The following DLGAP1 variants were observed in gnomAD, a reference collection of about 807,000 sequenced individuals.
DLGAP1 encodes DLG associated protein 1, also known as disks large-associated protein 1.
DLGAP1 carries 11 observed loss-of-function variants against 90.8 expected under a neutral mutation model. The ratio of observed to expected loss-of-function variants is 0.12; its 90% CI spans 0.08 to 0.20. The LOEUF is 0.20. Ranked by LOEUF, DLGAP1 falls within the 10% of genes least tolerant of loss-of-function variation. The pLI, the probability that DLGAP1 is intolerant of heterozygous loss-of-function variation, is 1.00. For missense variants in DLGAP1, 1,050 were observed against 1,333.8 expected, an observed-to-expected ratio of 0.79 and a Z score of 3.31; for synonymous variants, 558 against 540.7, an observed-to-expected ratio of 1.03 and a Z score of -0.44.
intron 4 of DLGAP1, among the ~76,000 whole-genome samples, chr18:3,854,337 A>G (rs531188416): frequency 1.2e-4 from 19 of 152,156 alleles, no homozygotes; most frequent in African/African-American, 4.6e-4. Flanking sequence ...ATTGGATACA[A>G]TTATGAGTAT....
At chr18:4,211,762 T>C (rs375091436) in intron 1 of DLGAP1, among the ~76,000 whole-genome samples, 4 of 152,122 alleles carry the variant, frequency 2.6e-5, no homozygotes, top group African/African-American at 9.7e-5. Context: ...TACACCCCTA[T>C]GTAAAATGAA....
At chr18:4,284,465 T>C (rs1208191678) in intron 1 of DLGAP1, among the ~76,000 whole-genome samples, 1 of 152,084 alleles carries the variant, frequency 6.6e-6, no homozygotes, top group Admixed American at 6.6e-5. Context: ...AAGGCTAAAA[T>C]GGAGTGTCAA....
chr18:4,149,930 T>C (rs867876832), intron 2 of DLGAP1, among the ~76,000 whole-genome samples: 3 of 152,202 alleles, frequency 2.0e-5, no homozygotes, highest in Non-Finnish European at 4.4e-5. Flanking sequence ...CAGCCCAGCA[T>C]TGTGAGGGAA....
At chr18:3,811,371 T>C (rs1420460327) in intron 5 of DLGAP1, among the ~76,000 whole-genome samples, 2 of 152,240 alleles carry the variant, frequency 1.3e-5, no homozygotes, top group Non-Finnish European at 1.5e-5. Context: ...ATATATGAGA[T>C]GTGCTTCCTT....
rs879270293 is a variant in DLGAP1, at chr18:3,506,808, G to GATT, written c.2571+1761_2571+1762insAAT. Among the ~76,000 whole-genome samples, 303 of 152,220 alleles carry GATT rather than the reference G, an allele frequency of 2.0e-3. 5 individuals carry two copies. Among genetic ancestry groups the GATT allele is most frequent in the East Asian group, 1.4e-3 (7 of 5,180 alleles). On this transcript the variant is annotated intron_variant, in intron 11 of 12. Coordinates refer to ENST00000315677, the MANE Select transcript of DLGAP1 (RefSeq NM_004746.4). ...TAAAGCACAGAGAATCATGTTAATT[G>GATT]AGATCTGTGACACATTAGCAAGTTT...
At chr18:4,000,554 A>G (rs2149072152) in intron 3 of DLGAP1, among the ~76,000 whole-genome samples, 1 of 152,316 alleles carries the variant, frequency 6.6e-6, no homozygotes, top group South Asian at 2.1e-4. Context: ...TTCTCTAGTC[A>G]TATTGGTTTT....
chr18:3,922,681 G>GT (rs1369211124), intron 3 of DLGAP1, among the ~76,000 whole-genome samples: 1 of 152,100 alleles, frequency 6.6e-6, no homozygotes. Flanking sequence ...ATGGAGGAAT[G>GT]TTTTTTGTTT....
chr18:3,558,067 A>G (rs1220343621), intron 9 of DLGAP1, among the ~76,000 whole-genome samples: 1 of 152,200 alleles, frequency 6.6e-6, no homozygotes, highest in Non-Finnish European at 1.5e-5. Context: ...AGTTAACTAT[A>G]TTTAGCTGTT....
At chr18:4,051,784 G>A (rs942017082) in intron 2 of DLGAP1, among the ~76,000 whole-genome samples, 12 of 152,094 alleles carry the variant, frequency 7.9e-5, no homozygotes, top group African/African-American at 2.7e-4. Flanking sequence ...CTGCCCATGA[G>A]ACTGTAAAAT....
At chr18:3,978,259 T>C in intron 3 of DLGAP1, 1 of 417,288 alleles carries the variant, frequency 2.4e-6, no homozygotes, top group South Asian at 1.9e-5. Context: ...GCAGAGGTGA[T>C]GACCCTTTTG....
chr18:3,657,695 C>T (rs549121128), intron 7 of DLGAP1, among the ~76,000 whole-genome samples: 159 of 151,658 alleles, frequency 1.0e-3, no homozygotes, highest in African/African-American at 1.4e-3. Context: ...CTCCGCCTCC[C>T]GGGTTCACGC....
intron 7 of DLGAP1, chr18:3,722,083 T>A (rs879277057): frequency 3.9e-5 from 6 of 152,338 alleles, no homozygotes; most frequent in Admixed American, 3.9e-4. Context: ...GTGAATGATC[T>A]CATGTGAACC....
At chr18:3,647,977 G>A (rs1479523513) in intron 7 of DLGAP1, among the ~76,000 whole-genome samples, 1 of 152,118 alleles carries the variant, frequency 6.6e-6, no homozygotes, top group Non-Finnish European at 1.5e-5. Flanking sequence ...CATATTTAAG[G>A]AGGGCATGTA....
chr18:3,734,127 T>G (rs1465248903), intron 6 of DLGAP1, among the ~76,000 whole-genome samples: 2 of 152,338 alleles, frequency 1.3e-5, no homozygotes, highest in South Asian at 4.1e-4. Context: ...TTTTCTTACT[T>G]GTTCTGTTCC....
chr18:3,935,294 C>A (rs1568308016), intron 3 of DLGAP1, among the ~76,000 whole-genome samples: 1 of 152,192 alleles, frequency 6.6e-6, no homozygotes, highest in Non-Finnish European at 1.5e-5. Flanking sequence ...AATGGAAAAA[C>A]ACTCTACGAT....
intron 1 of DLGAP1, among the ~76,000 whole-genome samples, chr18:4,303,290 A>G (rs946326378): frequency 6.6e-6 from 1 of 152,006 alleles, no homozygotes; most frequent in Non-Finnish European, 1.5e-5. Context: ...TTTCATTAGC[A>G]AAGTTGGGAG....
intron 7 of DLGAP1, among the ~76,000 whole-genome samples, chr18:3,725,595 C>T (rs907066626): frequency 3.3e-5 from 5 of 152,160 alleles, no homozygotes; most frequent in African/African-American, 1.2e-4. Flanking sequence ...ATTTCCTCCT[C>T]TAATATTAAT....
intron 1 of DLGAP1, among the ~76,000 whole-genome samples, chr18:4,221,350 A>T (rs1295581294): frequency 1.3e-5 from 2 of 152,270 alleles, no homozygotes; most frequent in East Asian, 3.9e-4. Context: ...TTACAATAAA[A>T]ATAATCAAAA....
intron 5 of DLGAP1, among the ~76,000 whole-genome samples, chr18:3,760,296 CA>C (rs1871057599): frequency 6.6e-6 from 1 of 152,154 alleles, no homozygotes; most frequent in Admixed American, 6.5e-5. Context: ...AGGGGCGACA[CA>C]GGGCCAATCC....
Sources: gnomAD v4.1 joint callset for allele counts (sites outside exome capture counted in the v4.1 genomes callset) on GRCh38, gnomAD v4.1.1 for gene constraint, MANE v1.5 for transcripts, NCBI Gene and HGNC (gene_info 2026-07-23, HGNC 2026-07-21) for gene names.